GRID1: variants seen among roughly 807,000 people sequenced by gnomAD.
GRID1 encodes the protein glutamate receptor ionotropic, delta-1.
A neutral mutation model predicts 98.0 loss-of-function variants in GRID1; 28 were observed. The observed-to-expected ratio is 0.29, with a 90% CI of 0.21 to 0.39. The LOEUF (loss-of-function observed/expected upper bound fraction) is 0.39, where lower values mean the gene tolerates loss of function less well. Ranked by LOEUF, GRID1 falls within the 10% of genes least tolerant of loss-of-function variation. The pLI is 1.00. For synonymous variants in GRID1, 553 were observed against 538.5 expected (o/e 1.03, Z -0.37); for missense variants, 1,111 against 1,340.5 (o/e 0.83, Z 2.67).
intron 2 of GRID1, among the ~76,000 whole-genome samples, chr10:86,296,505 G>C (rs1847591084): frequency 6.6e-6 from 1 of 152,146 alleles, no homozygotes; most frequent in African/African-American, 2.4e-5. Context: ...TTGGGAGCCT[G>C]AGGCAGGCAG....
intron 15 of GRID1, chr10:85,607,317 CAAAAATGGGGATGAGG>C (rs1332776039): frequency 6.6e-6 from 1 of 152,128 alleles, no homozygotes; most frequent in East Asian, 1.9e-4. Flanking sequence ...TGGGCAGGAA[CAAAAATGGGGATGAGG>C]AACTTCCCCC....
chr10:86,106,869 G>A (rs1307622926), intron 4 of GRID1, among the ~76,000 whole-genome samples: 1 of 152,102 alleles, frequency 6.6e-6, no homozygotes, highest in Non-Finnish European at 1.5e-5. Flanking sequence ...AATGGAGCTG[G>A]GGAGGTGAAG....
chr10:85,763,866 A>G (rs1842172006), intron 8 of GRID1, among the ~76,000 whole-genome samples: 1 of 152,206 alleles, frequency 6.6e-6, no homozygotes, highest in South Asian at 2.1e-4. Flanking sequence ...AAAGGTACCA[A>G]TTCATGATCT....
chr10:86,058,416 G>A (rs1019066790), intron 4 of GRID1, among the ~76,000 whole-genome samples: 4 of 152,158 alleles, frequency 2.6e-5, no homozygotes, highest in African/African-American at 2.4e-5. Flanking sequence ...AGCTTCTCCA[G>A]TACAGTGATC....
intron 4 of GRID1, among the ~76,000 whole-genome samples, chr10:85,993,396 A>G (rs937371272): frequency 1.3e-5 from 2 of 152,276 alleles, no homozygotes; most frequent in African/African-American, 4.8e-5. Flanking sequence ...GGCAAGCCAC[A>G]GTGCAAGGGT....
intron 4 of GRID1, among the ~76,000 whole-genome samples, chr10:85,981,925 A>G (rs970937211): frequency 6.6e-6 from 1 of 152,238 alleles, no homozygotes; most frequent in Admixed American, 6.5e-5. Context: ...CAGGGTGGTC[A>G]GGAAAGGCCT....
intron 4 of GRID1, among the ~76,000 whole-genome samples, chr10:85,929,400 C>T (rs544520623): frequency 6.6e-6 from 1 of 152,322 alleles, no homozygotes; most frequent in African/African-American, 2.4e-5. Flanking sequence ...CCTCCCATGG[C>T]TTTCTGGGCC....
chr10:85,725,285 G>A (rs1341435852), intron 10 of GRID1, among the ~76,000 whole-genome samples: 1 of 152,160 alleles, frequency 6.6e-6, no homozygotes, highest in Non-Finnish European at 1.5e-5. Flanking sequence ...GAATAAAGGG[G>A]TCATATATTT....
intron 8 of GRID1, among the ~76,000 whole-genome samples, chr10:85,816,628 C>A (rs749892885): frequency 7.2e-5 from 11 of 152,148 alleles, no homozygotes; most frequent in Non-Finnish European, 1.6e-4. Context: ...GTGCATTTGT[C>A]AAAATCTATA....
chr10:86,298,394 T>C (rs1847625526), intron 2 of GRID1, among the ~76,000 whole-genome samples: 1 of 152,246 alleles, frequency 6.6e-6, no homozygotes, highest in Non-Finnish European at 1.5e-5. Context: ...TCCATTCTAA[T>C]GTAATAGCAT....
chr10:86,158,355 G>A (rs1480834447), intron 3 of GRID1, among the ~76,000 whole-genome samples: 1 of 152,226 alleles, frequency 6.6e-6, no homozygotes, highest in East Asian at 1.9e-4. Flanking sequence ...TAAAGGCCAG[G>A]TATTTGTGGA....
chr10:86,352,744 C>A (rs1848480222), intron 2 of GRID1, among the ~76,000 whole-genome samples: 1 of 152,184 alleles, frequency 6.6e-6, no homozygotes. Context: ...GACCTTCCCC[C>A]AGTCTGGCCT....
At chr10:86,159,136 C>T (rs1177827874) in intron 3 of GRID1, among the ~76,000 whole-genome samples, 4 of 152,102 alleles carry the variant, frequency 2.6e-5, no homozygotes, top group Admixed American at 1.3e-4. Flanking sequence ...CCTCGTGATC[C>T]GCCTGCCTCG....
chr10:85,691,452 C>T (rs760602260), intron 12 of GRID1, among the ~76,000 whole-genome samples: 4 of 152,176 alleles, frequency 2.6e-5, no homozygotes. Context: ...CCCAGATCCT[C>T]GTAGTGAGCC....
At chr10:86,114,724 T>C (rs577322086) in intron 4 of GRID1, among the ~76,000 whole-genome samples, 2 of 152,278 alleles carry the variant, frequency 1.3e-5, no homozygotes. Context: ...GGAACCCCAC[T>C]GAGTTCCGCA....
intron 2 of GRID1, among the ~76,000 whole-genome samples, chr10:86,333,653 C>T (rs1022498040): frequency 1.3e-5 from 2 of 152,198 alleles, no homozygotes; most frequent in African/African-American, 4.8e-5. Context: ...TTACTGATAC[C>T]ATAAACAGTC....
chr10:85,627,966 G>GT (rs1842930901), intron 13 of GRID1, among the ~76,000 whole-genome samples: 2 of 152,256 alleles, frequency 1.3e-5, no homozygotes, highest in South Asian at 4.1e-4. Flanking sequence ...CACACTCTGT[G>GT]TGAGTAAGCA....
chr10:85,651,128 C>A (rs1187431534), intron 12 of GRID1, among the ~76,000 whole-genome samples: 1 of 152,218 alleles, frequency 6.6e-6, no homozygotes, highest in Non-Finnish European at 1.5e-5. Context: ...TGGACTGGGG[C>A]AAGTTCTATA....
At chr10:86,043,877 G>A (rs937783483) in intron 4 of GRID1, among the ~76,000 whole-genome samples, 1 of 152,154 alleles carries the variant, frequency 6.6e-6, no homozygotes, top group East Asian at 1.9e-4. Context: ...CAAGCGATAT[G>A]AGCATGTGAG....
Sources: allele counts gnomAD v4.1 joint callset (sites outside exome capture counted in the v4.1 genomes callset), GRCh38; gene constraint gnomAD v4.1.1; transcripts MANE v1.5; gene names NCBI Gene and HGNC (gene_info 2026-07-23, HGNC 2026-07-21).